NALF1: variants seen among roughly 807,000 people sequenced by gnomAD.
NALF1 encodes the protein NALCN channel auxiliary factor 1.
Under a neutral mutation model 48.4 loss-of-function variants are expected in NALF1, and 3 were observed. The observed-to-expected ratio is 0.06, with a 90% CI of 0.03 to 0.16. The LOEUF is 0.16. Ranked by LOEUF, NALF1 falls within the 10% of genes least tolerant of loss-of-function variation. The probability of loss-of-function intolerance (pLI) is 1.00; values close to 1 mark genes in which losing one functional copy is unlikely to be tolerated. For missense variants in NALF1, 526 were observed against 571.5 expected (o/e 0.92, Z 0.81); for synonymous variants, 262 against 245.7 (o/e 1.07, Z -0.62).
intron 1 of NALF1, among the ~76,000 whole-genome samples, chr13:107,308,116 C>A (rs1051580008): frequency 6.6e-6 from 1 of 151,574 alleles, no homozygotes; most frequent in Non-Finnish European, 1.5e-5. Context: ...AATGGCATTG[C>A]ATTCCTCCAT....
intron 1 of NALF1, among the ~76,000 whole-genome samples, chr13:107,759,205 C>CTTTTGT (rs1184740962): frequency 5.3e-5 from 8 of 151,976 alleles, no homozygotes; most frequent in Admixed American, 5.2e-4. Flanking sequence ...TCTCTGATTT[C>CTTTTGT]TTTTGTTTTT....
intron 1 of NALF1, among the ~76,000 whole-genome samples, chr13:107,809,617 T>C (rs555098152): frequency 2.0e-4 from 30 of 152,262 alleles, no homozygotes; most frequent in Admixed American, 1.3e-4. Context: ...TGGCTGGTGG[T>C]CTTTATCACC....
At chr13:107,514,074 C>T (rs1211745799) in intron 1 of NALF1, among the ~76,000 whole-genome samples, 1 of 152,176 alleles carries the variant, frequency 6.6e-6, no homozygotes, top group Non-Finnish European at 1.5e-5. Context: ...GAGTCCTTTT[C>T]CTTTGTCTTA....
At chr13:107,853,171 T>C (rs1880360532) in intron 1 of NALF1, among the ~76,000 whole-genome samples, 1 of 152,214 alleles carries the variant, frequency 6.6e-6, no homozygotes. Context: ...TTATTAATGT[T>C]CTCCAGTTGT....
At chr13:107,833,852 AATTAT>A in intron 1 of NALF1, among the ~76,000 whole-genome samples, 1 of 151,912 alleles carries the variant, frequency 6.6e-6, no homozygotes, top group East Asian at 1.9e-4. Flanking sequence ...ATATTATCTT[AATTAT>A]ATTAAAGTAC....
chr13:107,175,908 C>G (rs918724859), intron 2 of NALF1, among the ~76,000 whole-genome samples: 1 of 152,116 alleles, frequency 6.6e-6, no homozygotes, highest in African/African-American at 2.4e-5. Flanking sequence ...CCACTTGACT[C>G]AAGTCAAGGC....
At chr13:107,524,889 C>A (rs541097489) in intron 1 of NALF1, among the ~76,000 whole-genome samples, 1 of 152,064 alleles carries the variant, frequency 6.6e-6, no homozygotes, top group Admixed American at 6.6e-5. Context: ...GCAGCTGCAG[C>A]TTAAAAGCTG....
intron 1 of NALF1, among the ~76,000 whole-genome samples, chr13:107,553,654 G>A (rs1877366857): frequency 6.6e-6 from 1 of 151,988 alleles, no homozygotes; most frequent in Non-Finnish European, 1.5e-5. Flanking sequence ...TATTCATTTG[G>A]CATTTAAATT....
chr13:107,180,804 G>C (rs9555327), intron 2 of NALF1, among the ~76,000 whole-genome samples: 12,739 of 151,764 alleles, frequency 0.084, 562 homozygotes, highest in East Asian at 0.13. Flanking sequence ...GTTTTAGAAA[G>C]AGCAATTTTT....
At chr13:107,376,222 G>A (rs769358131) in intron 1 of NALF1, among the ~76,000 whole-genome samples, 1 of 152,132 alleles carries the variant, frequency 6.6e-6, no homozygotes, top group Non-Finnish European at 1.5e-5. Flanking sequence ...TCAAGTGACT[G>A]CAGTCCAACA....
At chr13:107,255,465 C>T (rs1880794641) in intron 1 of NALF1, among the ~76,000 whole-genome samples, 1 of 152,076 alleles carries the variant, frequency 6.6e-6, no homozygotes, top group Non-Finnish European at 1.5e-5. Context: ...CGGACCCTGC[C>T]CTCTCCAAGT....
At chr13:107,710,161 A>C (rs1875521258) in intron 1 of NALF1, among the ~76,000 whole-genome samples, 1 of 152,058 alleles carries the variant, frequency 6.6e-6, no homozygotes, top group Admixed American at 6.6e-5. Flanking sequence ...GGAGAAAAGA[A>C]AAGAAACAAG....
intron 1 of NALF1, among the ~76,000 whole-genome samples, chr13:107,317,713 A>G (rs932083663): frequency 1.3e-5 from 2 of 152,068 alleles, no homozygotes; most frequent in Admixed American, 6.6e-5. Context: ...TGTACAAAAT[A>G]ACTTATTAGA....
intron 1 of NALF1, among the ~76,000 whole-genome samples, chr13:107,831,208 C>T (rs886349549): frequency 1.3e-5 from 2 of 152,136 alleles, no homozygotes; most frequent in African/African-American, 4.8e-5. Context: ...GAAAAACAGA[C>T]AGTTTAAAAA....
chr13:107,744,501 C>A (rs1876728875), intron 1 of NALF1, among the ~76,000 whole-genome samples: 1 of 152,152 alleles, frequency 6.6e-6, no homozygotes, highest in South Asian at 2.1e-4. Flanking sequence ...AGTTTCTCAG[C>A]CTGGAATTAA....
intron 1 of NALF1, among the ~76,000 whole-genome samples, chr13:107,503,364 AATC>A (rs1875582086): frequency 6.6e-6 from 1 of 152,178 alleles, no homozygotes; most frequent in Non-Finnish European, 1.5e-5. Context: ...CAACATCACT[AATC>A]ATCAGGGAAA....
chr13:107,534,983 T>C (rs1876757839), intron 1 of NALF1, among the ~76,000 whole-genome samples: 1 of 152,052 alleles, frequency 6.6e-6, no homozygotes, highest in Non-Finnish European at 1.5e-5. Flanking sequence ...TTTAAAGGAG[T>C]GTTTCTGTTA....
At chr13:107,367,090 G>A (rs531511686) in intron 1 of NALF1, among the ~76,000 whole-genome samples, 3 of 152,282 alleles carry the variant, frequency 2.0e-5, no homozygotes, top group South Asian at 4.1e-4. Context: ...AAGGGCAAAC[G>A]CAGAAAAGCG....
intron 1 of NALF1, among the ~76,000 whole-genome samples, chr13:107,418,780 A>C (rs966702334): frequency 3.3e-5 from 5 of 152,112 alleles, no homozygotes; most frequent in African/African-American, 1.2e-4. Flanking sequence ...TTTAGTTCCC[A>C]TTTATCATTA....
Sources: gnomAD v4.1 joint callset for allele counts (sites outside exome capture counted in the v4.1 genomes callset) on GRCh38, gnomAD v4.1.1 for gene constraint, MANE v1.5 for transcripts, NCBI Gene and HGNC (gene_info 2026-07-23, HGNC 2026-07-21) for gene names.